Variants in RPGRIP1L observed in about 807,000 individuals in gnomAD.
RPGRIP1L encodes RPGRIP1 like.
In RPGRIP1L, 131 loss-of-function variants were observed where a neutral mutation model predicts 160.4. The ratio of observed to expected loss-of-function variants is 0.82; its 90% CI spans 0.71 to 0.94. The LOEUF (loss-of-function observed/expected upper bound fraction) is 0.94. RPGRIP1L is among the 40% of genes least tolerant of loss of function. RPGRIP1L has a pLI of 0.00. For missense variants in RPGRIP1L, 1,522 were observed against 1,535.8 expected (o/e 0.99, Z 0.15); for synonymous variants, 510 against 515.8 (o/e 0.99, Z 0.15).
rs1188164006 is a variant in RPGRIP1L at position 53,699,018 on chromosome 16, GA to G, written c.85+1620del. 6.6e-5 allele frequency among the ~76,000 whole-genome samples: 10 copies of G among 152,236 alleles called. No individual in the cohort carries two copies. The East Asian group carries it at 1.7e-3, about 26-fold the overall frequency. Reference sequence around the variant, plus strand: ...TCTGTGTGGAAAGAAGTAGACATGGGAGACTTTTCATTTTGTTCTGTACTAA... The same window carrying G: ...TCTGTGTGGAAAGAAGTAGACATGGGGACTTTTCATTTTGTTCTGTACTAA... On this transcript the variant is annotated intron_variant, in intron 2 of 26. Transcript: ENST00000647211.
chr16:53,678,374 C>T lies in RPGRIP1L; in HGVS notation c.777-3252G>A, dbSNP rs541082819. ...TAATGGAAGCCTTGAAAACACTTGA[C>T]TCCAGCTTTGCTACTGGGTGCCATA... On this transcript the variant is annotated intron_variant, in intron 6 of 26. Coordinates refer to ENST00000647211, the MANE Select transcript of RPGRIP1L (RefSeq NM_015272.5). 5.4e-3 allele frequency among the ~76,000 whole-genome samples: 820 copies of T among 152,302 alleles called. 8 individuals carry two copies. Among genetic ancestry groups the T allele is most frequent in the African/African-American group, 0.018 (768 of 41,566 alleles).
intron 22 of RPGRIP1L, among the ~76,000 whole-genome samples, chr16:53,625,424 G>C (rs192428603): frequency 7.5e-5 from 11 of 146,954 alleles, no homozygotes; most frequent in South Asian, 4.4e-4. Context: ...CGCCCCGTCT[G>C]GGGGGTGGGG....
intron 1 of RPGRIP1L, 113 bp from the exon 2 acceptor site, chr16:53,700,843 T>A: frequency 1.3e-6 from 1 of 760,382 alleles, no homozygotes. Context: ...GGCATCTTAT[T>A]GTCCACATGT....
chr16:53,636,986 A>T lies in RPGRIP1L; in HGVS notation c.3221-474T>A, dbSNP rs907999134. ...CACACACACACACACACACACACAC[A>T]CTCTTTAATTACTTTTAGAGACAGG... On this transcript the variant is annotated intron_variant, in intron 21 of 26. Transcript: ENST00000647211. Among the ~76,000 whole-genome samples the T allele has an allele frequency of 9.3e-5, 12 of 128,766 alleles. No homozygotes were observed. In the South Asian group the frequency reaches 1.0e-3, roughly 11 times the overall value. 84.5% of individuals were successfully genotyped at this position (128,766 alleles called of 152,430 possible). A position where few individuals can be genotyped will look rare whatever the true frequency, so the allele number is the denominator to read the frequency against.
At position 53,639,238 on chromosome 16, in the gene RPGRIP1L, A is replaced by G. The variant is rs540322501; in HGVS notation, c.2959-827T>C. ...TATAGGAAATGTAAAAGATAAATATAAAATAAATCAATATAAATCTAGTAC... is the reference window on the plus strand; with the variant it reads ...TATAGGAAATGTAAAAGATAAATATGAAATAAATCAATATAAATCTAGTAC... On this transcript the variant is annotated intron_variant, in intron 19 of 26. Transcript: ENST00000647211. Among the ~76,000 whole-genome samples the G allele has an allele frequency of 2.0e-5, 3 of 152,068 alleles. No individual in the cohort carries two copies. The South Asian group carries it at 6.2e-4, about 32-fold the overall frequency.
At chr16:53,659,677 G>C (rs1461563895) in intron 10 of RPGRIP1L, 1 of 151,988 alleles carries the variant, frequency 6.6e-6, no homozygotes, top group Non-Finnish European at 1.5e-5. Flanking sequence ...AAGTCCAGGA[G>C]TTTTGAGATC....
rs1963295509 is a variant in RPGRIP1L at position 53,599,583 on chromosome 16, G to C, written c.*2493C>G. ...CACTGGTCTAGTTACACCAAGAAGT[G>C]TATGTTCACACCAGCAACACCTTAA... On this transcript the variant is annotated 3_prime_UTR_variant, in exon 27 of 27. Coordinates refer to ENST00000647211, the MANE Select transcript of RPGRIP1L (RefSeq NM_015272.5). 1 of 152,194 alleles carries C rather than the reference G, an allele frequency of 6.6e-6. No homozygotes were observed. Among genetic ancestry groups the C allele is most frequent in the Admixed American group, 6.5e-5 (1 of 15,270 alleles). The allele number at this position is 152,194 out of a possible 1,614,324, so 9.4% of individuals were successfully genotyped here.
intron 22 of RPGRIP1L, among the ~76,000 whole-genome samples, chr16:53,625,718 AAAAG>A (rs1423041112): frequency 2.0e-5 from 3 of 152,156 alleles, no homozygotes; most frequent in African/African-American, 7.2e-5. Context: ...AAATGTGGGG[AAAAG>A]AAAGAGAGAT....
Position 53,686,529 on chromosome 16 carries a change from T to C in RPGRIP1L, c.680A>G (p.His227Arg). 1.9e-6 allele frequency: 3 copies of C among 1,613,758 alleles called. No individual in the cohort carries two copies. Among genetic ancestry groups the C allele is most frequent in the South Asian group, 1.1e-5 (1 of 91,074 alleles). ...CTGAGTTTTCAGGATCTCAGCCAAGTGCTCTAACTCCTCTATCTGGCCTCT... is the reference window on the plus strand; with the variant it reads ...CTGAGTTTTCAGGATCTCAGCCAAGCGCTCTAACTCCTCTATCTGGCCTCT... ...SQRGQIEELE[H>R]LAEILKTQLR... The change falls in exon 6 of 27, where the codon CAC (histidine) becomes CGC (arginine). Residue 227 changes from histidine to arginine, a missense_variant. His to Arg is a conservative substitution (Grantham distance 29, BLOSUM62 0). Coordinates refer to ENST00000647211, the MANE Select transcript of RPGRIP1L (RefSeq NM_015272.5).
chr16:53,604,469 C>T (rs1012937087), intron 26 of RPGRIP1L, among the ~76,000 whole-genome samples: 41 of 152,218 alleles, frequency 2.7e-4, no homozygotes, highest in African/African-American at 9.6e-4. Flanking sequence ...TCTCTATTTA[C>T]TACATAAAGC....
chr16:53,638,326 A>G lies in RPGRIP1L; in HGVS notation c.3044T>C (p.Val1015Ala). 6.3e-7 allele frequency: 1 copy of G among 1,575,832 alleles called. No individual in the cohort carries two copies. The highest frequency in any genetic ancestry group is 8.7e-7 in the Non-Finnish European group (1 of 1,145,730). Residue 1015 changes from valine (V) to alanine (A), a missense_variant, in exon 20 of 27, where the codon GTT (valine) becomes GCT (alanine). By Grantham distance (64) the Val-to-Ala change is moderately conservative. Coordinates refer to ENST00000647211, the MANE Select transcript of RPGRIP1L (RefSeq NM_015272.5). ...AATGCATACCTTGGGAACATGTGGAACAGTCAGCATATTAATTTCTATTTC... is the reference window on the plus strand; with the variant it reads ...AATGCATACCTTGGGAACATGTGGAGCAGTCAGCATATTAATTTCTATTTC... ...IPEIEINMLT[V>A]PHVPKVSQEG...
At chr16:53,697,821 C>G (rs2151388896) in intron 2 of RPGRIP1L, among the ~76,000 whole-genome samples, 1 of 152,168 alleles carries the variant, frequency 6.6e-6, no homozygotes, top group South Asian at 2.1e-4. Context: ...GCCTGGCCGC[C>G]CATCGTCTGG....
intron 23 of RPGRIP1L, among the ~76,000 whole-genome samples, chr16:53,620,815 T>G (rs762846228): frequency 1.9e-4 from 29 of 152,134 alleles, no homozygotes; most frequent in Non-Finnish European, 1.5e-4. Context: ...GTAAAGAAAA[T>G]ATTTTAAATG....
chr16:53,662,280 C>CA (rs1348116014), intron 10 of RPGRIP1L, among the ~76,000 whole-genome samples: 2 of 152,122 alleles, frequency 1.3e-5, no homozygotes, highest in Admixed American at 6.6e-5. Context: ...CTGAATTATG[C>CA]ATTTCAGCTA....
Position 53,602,037 on chromosome 16 carries a change from T to C in RPGRIP1L, c.*39A>G, listed in dbSNP as rs886304758. The C allele has an allele frequency of 1.7e-6, 2 of 1,164,852 alleles. No homozygotes were observed. The highest frequency in any genetic ancestry group is 3.1e-5 in the African/African-American group (2 of 65,356). The allele number at this position is 1,164,852 out of a possible 1,614,324, so 72.2% of individuals were successfully genotyped here. A position where few individuals can be genotyped will look rare whatever the true frequency, so the allele number is the denominator to read the frequency against. ...TCATGTAGGAACTTTCATGTGAGCA[T>C]TTACTGAGGAGTAGGAGATGCCTCT... is the stretch of plus-strand genomic sequence containing the variant. On this transcript the variant is annotated 3_prime_UTR_variant, in exon 27 of 27. Coordinates refer to ENST00000647211, the MANE Select transcript of RPGRIP1L (RefSeq NM_015272.5).
chr16:53,686,516 G>T lies in RPGRIP1L; in HGVS notation c.693C>A (p.Ile231=). 2 of 1,613,604 alleles carry T rather than the reference G, an allele frequency of 1.2e-6. No individual in the cohort carries two copies. Among genetic ancestry groups the T allele is most frequent in the Non-Finnish European group, 1.7e-6 (2 of 1,179,720 alleles). ...CTTTTCTCCTCAACTGAGTTTTCAG[G>T]ATCTCAGCCAAGTGCTCTAACTCCT... is the stretch of plus-strand genomic sequence containing the variant. ...QIEELEHLAE[I]LKTQLRRKEN... is the part of the protein sequence containing the mutation. The change falls in exon 6 of 27, where the codon ATC becomes ATA. Residue 231 remains isoleucine, a synonymous_variant. Transcript: ENST00000647211.
At chr16:53,615,468 ATATATTTT>A (rs1964309677) in intron 24 of RPGRIP1L, among the ~76,000 whole-genome samples, 1 of 69,890 alleles carries the variant, frequency 1.4e-5, no homozygotes, top group East Asian at 4.6e-4. Context: ...ATATATATAT[ATATATTTT>A]TTTTTTTTTT....
Position 53,664,900 on chromosome 16 carries a change from C to A in RPGRIP1L, c.1213G>T (p.Glu405Ter), listed in dbSNP as rs747612183. 1 of 1,612,252 alleles carries A rather than the reference C, an allele frequency of 6.2e-7. No homozygotes were observed. Among genetic ancestry groups the A allele is most frequent in the Non-Finnish European group, 8.5e-7 (1 of 1,179,884 alleles). ...TCAGTTTTTAATCTGTCAAGGATTT[C>A]AGTTTTGTCTGTTAAGTCAGACTTC... Reference protein sequence around the residue: ...ALKSDLTDKTEILDRLKTERD... With the variant: ...ALKSDLTDKT The change falls in exon 10 of 27, where the codon GAA becomes TAA. Residue 405 changes from glutamate to a stop codon, truncating the protein, a stop_gained. Coordinates refer to ENST00000647211, the MANE Select transcript of RPGRIP1L (RefSeq NM_015272.5). LOFTEE classifies it high-confidence loss of function.
intron 2 of RPGRIP1L, among the ~76,000 whole-genome samples, chr16:53,698,701 C>T (rs1372275907): frequency 1.1e-4 from 16 of 144,836 alleles, no homozygotes; most frequent in Admixed American, 4.8e-4. Flanking sequence ...CCAGCCGCAC[C>T]GCCCGGGAGG....
Sources: allele counts gnomAD v4.1 joint callset (sites outside exome capture counted in the v4.1 genomes callset), GRCh38; gene constraint gnomAD v4.1.1; transcripts MANE v1.5; gene names NCBI Gene and HGNC (gene_info 2026-07-23, HGNC 2026-07-21).